Variants in FRY observed in about 807,000 individuals in gnomAD.
FRY encodes protein furry homolog.
A neutral mutation model predicts 348.4 loss-of-function variants in FRY; 128 were observed. The observed-to-expected ratio is 0.37, with a 90% CI of 0.32 to 0.43. The LOEUF is 0.43. FRY is among the 20% of genes least tolerant of loss of function. The pLI is 1.00. For synonymous variants in FRY, 1,370 were observed against 1,374.7 expected (o/e 1.00, Z 0.08); for missense variants, 2,736 against 3,695.2 (o/e 0.74, Z 6.73).
At chr13:32,167,356 C>T (rs942240303) in intron 17 of FRY, among the ~76,000 whole-genome samples, 5 of 152,188 alleles carry the variant, frequency 3.3e-5, no homozygotes, top group African/African-American at 4.8e-5. Context: ...AGAATCTGCT[C>T]CAAGCCTCTC....
chr13:32,216,991 T>C (rs972916291), intron 35 of FRY, among the ~76,000 whole-genome samples: 25 of 152,352 alleles, frequency 1.6e-4, no homozygotes, highest in African/African-American at 5.5e-4. Context: ...TCCAAATCAC[T>C]GATGCAGTGC....
At chr13:32,073,769 C>G (rs1427433188) in intron 1 of FRY, among the ~76,000 whole-genome samples, 1 of 152,214 alleles carries the variant, frequency 6.6e-6, no homozygotes, top group Non-Finnish European at 1.5e-5. Flanking sequence ...GGTATTACTT[C>G]TCTGAAAATC....
Position 32,147,881 on chromosome 13 carries a change from C to T in FRY, c.1326C>T (p.Ser442=), listed in dbSNP as rs1276527711. 1 of 1,611,816 alleles carries T rather than the reference C, an allele frequency of 6.2e-7. No homozygotes were observed. The highest frequency in any genetic ancestry group is 1.3e-5 in the African/African-American group (1 of 74,850). The change falls in exon 13 of 61, where the codon TCC becomes TCT. Residue 442 remains serine (S), a synonymous_variant. Transcript: ENST00000542859. ...TIITTLFPKG[S]RGVVPRDMPL... ...TCACAACACTTTTCCCCAAAGGGTC[C>T]CGCGGTGTGGTACCAAGGGACATGC...
chr13:32,268,503 A>ATATAT (rs60813461), intron 55 of FRY, among the ~76,000 whole-genome samples: 2 of 14,766 alleles, frequency 1.4e-4, no homozygotes, highest in East Asian at 2.9e-3. Context: ...AAAAAAAAAA[A>ATATAT]AAATATATAT....
intron 3 of FRY, among the ~76,000 whole-genome samples, chr13:32,108,487 C>A (rs1877726433): frequency 6.6e-6 from 1 of 152,156 alleles, no homozygotes. Flanking sequence ...AAAGGATAAT[C>A]TTCAAAAACA....
chr13:32,068,985 G>T (rs186727982), intron 1 of FRY, among the ~76,000 whole-genome samples: 1 of 143,784 alleles, frequency 7.0e-6, no homozygotes, highest in East Asian at 2.0e-4. Context: ...GCCTGTTCTC[G>T]GCTCACTGCA....
chr13:32,285,918 T>G (rs1889021113), intron 58 of FRY, among the ~76,000 whole-genome samples: 1 of 152,180 alleles, frequency 6.6e-6, no homozygotes, highest in Non-Finnish European at 1.5e-5. Context: ...TTCTTGAGAA[T>G]AGTAAACACC....
At chr13:32,295,113 A>C (rs1422452646) in intron 60 of FRY, 89 bp from the exon 61 acceptor site, 9 of 1,189,658 alleles carry the variant, frequency 7.6e-6, no homozygotes, top group Non-Finnish European at 1.1e-5. Context: ...CTTTTTAAAA[A>C]GTAATACTCT....
At chr13:32,210,327 G>A (rs1314447331) in intron 33 of FRY, among the ~76,000 whole-genome samples, 3 of 152,198 alleles carry the variant, frequency 2.0e-5, no homozygotes, top group Admixed American at 1.3e-4. Context: ...ATGTCTTCCT[G>A]CTGCCTTGAG....
At chr13:32,243,209 T>G (rs1223773629) in intron 46 of FRY, among the ~76,000 whole-genome samples, 1 of 152,228 alleles carries the variant, frequency 6.6e-6, no homozygotes, top group African/African-American at 2.4e-5. Context: ...ATTTCCCACT[T>G]AATATTATCT....
chr13:32,032,023 TTTTC>T (rs549538025), intron 1 of FRY, among the ~76,000 whole-genome samples, 158 bp downstream of exon 1: 4,213 of 134,026 alleles, frequency 0.031, 195 homozygotes, highest in African/African-American at 0.12. Flanking sequence ...CTTTCTTTCT[TTTTC>T]TTTCTTTCTT....
At position 32,237,817 on chromosome 13, in the gene FRY, A is replaced by C. The variant is rs368086005; in HGVS notation, c.6249A>C (p.Glu2083Asp). ...CACTCGATAAGGCTGAGAACCGAGA[A>C]AAGCTTGAGAAACTCCAGGCACAGC... ...HMPLDKAENR[E>D]KLEKLQAQLK... Residue 2083 changes from glutamate (E) to aspartate (D), a missense_variant, in exon 44 of 61, where the codon GAA becomes GAC. By Grantham distance (45) the Glu-to-Asp change is conservative. This residue lies in a region of FRY where 789 missense variants were observed against 996.2 expected (regional missense o/e 0.79). Transcript: ENST00000542859. The surrounding 1 kb of genome is among the most constrained non-coding windows in gnomAD (Gnocchi z 6.3). 7.4e-5 allele frequency: 119 copies of C among 1,614,084 alleles called. No individual in the cohort carries two copies. The highest frequency in any genetic ancestry group is 9.2e-5 in the Non-Finnish European group (109 of 1,180,034).
chr13:32,210,170 A>G (rs1359171679), intron 33 of FRY, among the ~76,000 whole-genome samples: 1 of 152,270 alleles, frequency 6.6e-6, no homozygotes, highest in Non-Finnish European at 1.5e-5. Flanking sequence ...CAAGTGGTAG[A>G]AGAGAGAAGT....
At chr13:32,066,362 C>A (rs1172391464) in intron 1 of FRY, among the ~76,000 whole-genome samples, 2 of 152,166 alleles carry the variant, frequency 1.3e-5, no homozygotes, top group Non-Finnish European at 2.9e-5. Context: ...ATATATGGTT[C>A]CCCCTGGTCA....
intron 1 of FRY, 36 bp from the exon 2 acceptor site, chr13:32,078,798 T>C (rs1486519319): frequency 2.8e-6 from 4 of 1,453,388 alleles, no homozygotes; most frequent in Admixed American, 1.7e-5. Context: ...TATGACATTA[T>C]TATCAGCCAG....
chr13:32,032,023 T>TTTTC (rs549538025), intron 1 of FRY, among the ~76,000 whole-genome samples, 158 bp downstream of exon 1: 9 of 134,134 alleles, frequency 6.7e-5, no homozygotes, highest in East Asian at 6.0e-4. Context: ...CTTTCTTTCT[T>TTTTC]TTTCTTTCTT....
At chr13:32,229,365 G>C (rs1885784498) in intron 40 of FRY, among the ~76,000 whole-genome samples, 1 of 152,160 alleles carries the variant, frequency 6.6e-6, no homozygotes, top group African/African-American at 2.4e-5. Flanking sequence ...AATCTACTCT[G>C]TGTATGTGTT....
chr13:32,143,848 A>G (rs781511679), intron 11 of FRY, among the ~76,000 whole-genome samples: 16 of 152,166 alleles, frequency 1.1e-4, no homozygotes, highest in Non-Finnish European at 1.9e-4. Context: ...ATGTGCATTA[A>G]CTCACTTAAC....
At chr13:32,085,736 C>T in intron 2 of FRY, 1 of 379,374 alleles carries the variant, frequency 2.6e-6, no homozygotes, top group African/African-American at 2.1e-5. Context: ...CAGCCTGGTG[C>T]TTCCTCTCTT....
Sources: gnomAD v4.1 joint callset for allele counts (sites outside exome capture counted in the v4.1 genomes callset) on GRCh38, gnomAD v4.1.1 for gene constraint, gnomAD v4.1.1 regional missense constraint, Gnocchi (gnomAD v3.1) non-coding constraint, MANE v1.5 for transcripts, NCBI Gene and HGNC (gene_info 2026-07-23, HGNC 2026-07-21) for gene names.